Variants in DOK7 observed in about 807,000 individuals in gnomAD.
DOK7 encodes docking protein 7.
A neutral mutation model predicts 30.7 loss-of-function variants in DOK7; 32 were observed. That is an observed-to-expected ratio of 1.04 (90% CI 0.79 to 1.40). The LOEUF is 1.40. DOK7 is among the 40% of genes most tolerant of loss of function. DOK7 has a pLI of 0.00. For missense variants in DOK7, 1,007 were observed against 699.2 expected (o/e 1.44, Z -4.97); for synonymous variants, 447 against 324.1 (o/e 1.38, Z -4.07).
rs1727631447 is a variant in DOK7 at position 3,484,468 on chromosome 4, G to T, written c.533-1071G>T. 8 of 983,890 alleles carry T rather than the reference G, an allele frequency of 8.1e-6. No individual in the cohort carries two copies. In the South Asian group the frequency reaches 3.3e-4, roughly 40 times the overall value. The allele number at this position is 983,890 out of a possible 1,614,324, so 60.9% of individuals were successfully genotyped here. ...ACCTTTCTTTGGGCAATGGGCAGAGGCCCCGGAGCGGGCGGGATTCCTGTG... is the reference window on the plus strand; with the variant it reads ...ACCTTTCTTTGGGCAATGGGCAGAGTCCCCGGAGCGGGCGGGATTCCTGTG... On this transcript the variant is annotated intron_variant, in intron 4 of 6. Coordinates refer to ENST00000340083, the MANE Select transcript of DOK7 (RefSeq NM_173660.5).
intron 6 of DOK7, among the ~76,000 whole-genome samples, chr4:3,492,418 G>A (rs900039715): frequency 6.6e-6 from 1 of 151,950 alleles, no homozygotes; most frequent in Non-Finnish European, 1.5e-5. Context: ...GGGATGGCTG[G>A]GTATGGAGCG....
Position 3,490,475 on chromosome 4 carries a change from T to TC in DOK7, c.772+680dup, listed in dbSNP as rs1278010814. On this transcript the variant is annotated intron_variant, in intron 6 of 6. Transcript: ENST00000340083. ...TGCTCATTCATTCCTTTCTTCTCCC[T>TC]CTGCTCATTCATTCCTTCCTTTTCC... Among the ~76,000 whole-genome samples, 11 of 100,366 alleles carry TC rather than the reference T, an allele frequency of 1.1e-4. No individual in the cohort carries two copies. In the East Asian group the frequency reaches 2.6e-3, roughly 23 times the overall value. 65.8% of individuals were successfully genotyped at this position (100,366 alleles called of 152,430 possible).
chr4:3,490,808 CG>C (rs1290136037), intron 6 of DOK7, among the ~76,000 whole-genome samples: 1 of 61,250 alleles, frequency 1.6e-5, no homozygotes, highest in Non-Finnish European at 2.9e-5. Flanking sequence ...TCTGCCCCCC[CG>C]CTCATTCATT....
intron 4 of DOK7, chr4:3,484,849 G>A (rs543311244): frequency 2.2e-5 from 22 of 985,354 alleles, no homozygotes; most frequent in Non-Finnish European, 2.5e-5. Flanking sequence ...GGCAGGTGCC[G>A]TGCCACACCT....
rs1321389143 is a variant in DOK7, at chr4:3,492,925, T to G, written c.939T>G (p.Gly313=). 1.9e-6 allele frequency: 3 copies of G among 1,562,654 alleles called. No individual in the cohort carries two copies. Among genetic ancestry groups the G allele is most frequent in the Admixed American group, 1.9e-5 (1 of 52,788 alleles). The part of the protein sequence containing the change: ...AAQAAGEAMV[G]ASRPPPKPLR... ...AGGCCGCCGGGGAAGCCATGGTGGG[T>G]GCCTCAAGGCCACCCCCCAAGCCGC... The change falls in exon 7 of 7, where the codon GGT becomes GGG. Residue 313 remains glycine, a synonymous_variant. Transcript: ENST00000340083.
chr4:3,485,346 G>T (rs1727699082), intron 4 of DOK7, 193 bp from the exon 5 acceptor site: 3 of 669,754 alleles, frequency 4.5e-6, no homozygotes, highest in Non-Finnish European at 6.8e-6. Flanking sequence ...AGCCAGGTGG[G>T]GTGTCGGCTC....
rs556172512 is a variant in DOK7 at position 3,493,500 on chromosome 4, G to A, written c.1514G>A (p.Ter505=). Residue 505 remains the stop codon, a stop_retained_variant, in exon 7 of 7, where the codon TGA becomes TAA. Coordinates refer to ENST00000340083, the MANE Select transcript of DOK7 (RefSeq NM_173660.5). ...GGACTCAAGGTAAACCCCCCTCCTTGAGAGCCGCAGATCCCGCCCCGCGGC... is the reference window on the plus strand; with the variant it reads ...GGACTCAAGGTAAACCCCCCTCCTTAAGAGCCGCAGATCCCGCCCCGCGGC... ...CGGLKVNPPP[*] is the part of the protein sequence containing the mutation. 1.9e-6 allele frequency: 3 copies of A among 1,610,812 alleles called. No homozygotes were observed. The highest frequency in any genetic ancestry group is 1.3e-5 in the African/African-American group (1 of 75,028).
In DOK7 at chr4:3,491,496, C is replaced by T. The variant is rs1331764747; in HGVS notation, c.773-1263C>T. Among the ~76,000 whole-genome samples the T allele has an allele frequency of 6.8e-5, 8 of 118,020 alleles. No individual in the cohort carries two copies. In the East Asian group the frequency reaches 2.2e-3, roughly 33 times the overall value. 77.4% of individuals were successfully genotyped at this position (118,020 alleles called of 152,430 possible). On this transcript the variant is annotated intron_variant, in intron 6 of 6. Coordinates refer to ENST00000340083, the MANE Select transcript of DOK7 (RefSeq NM_173660.5). The stretch of plus-strand genomic sequence containing the variant: ...TCACTCATTCATTCTTTCCTTGTCC[C>T]TCCGCTTATTCCTTCCTTCTGTCTG...
At chr4:3,484,108 G>T (rs1158843347) in intron 4 of DOK7, among the ~76,000 whole-genome samples, 1 of 152,242 alleles carries the variant, frequency 6.6e-6, no homozygotes, top group Non-Finnish European at 1.5e-5. Flanking sequence ...CCTCGTGGCT[G>T]TGTGATGGTG....
At chr4:3,484,825 C>T in intron 4 of DOK7, 3 of 985,512 alleles carry the variant, frequency 3.0e-6, no homozygotes, top group Non-Finnish European at 3.6e-6. Flanking sequence ...GCAGTGACGG[C>T]TGCAGCATGT....
At chr4:3,472,020 G>A (rs993957553) in intron 2 of DOK7, among the ~76,000 whole-genome samples, 2 of 152,274 alleles carry the variant, frequency 1.3e-5, no homozygotes, top group Non-Finnish European at 2.9e-5. Flanking sequence ...CGCAGCAAGG[G>A]TGGCGGTGCT....
rs937404603 is a variant in DOK7 at position 3,494,296 on chromosome 4, G to T, written c.*795G>T. On this transcript the variant is annotated 3_prime_UTR_variant, in exon 7 of 7. Transcript: ENST00000340083. ...CCCTGGCCCAGGCCTCAGCCCCTGC[G>T]TCGGAGGTGGGGCTGTGTTGGGCCC... 1 of 985,484 alleles carries T rather than the reference G, an allele frequency of 1.0e-6. No individual in the cohort carries two copies. The highest frequency in any genetic ancestry group is 6.1e-5 in the Admixed American group (1 of 16,274). The allele number at this position is 985,484 out of a possible 1,614,324, so 61.0% of individuals were successfully genotyped here.
chr4:3,489,137 G>A (rs1728001577), intron 5 of DOK7, among the ~76,000 whole-genome samples: 1 of 152,124 alleles, frequency 6.6e-6, no homozygotes, highest in African/African-American at 2.4e-5. Context: ...GGGCTAGGTG[G>A]GGCCGAGGGT....
Position 3,485,567 on chromosome 4 carries a change from C to A in DOK7, c.561C>A (p.Ala187=). 1 of 1,606,028 alleles carries A rather than the reference C, an allele frequency of 6.2e-7. No homozygotes were observed. The highest frequency in any genetic ancestry group is 8.5e-7 in the Non-Finnish European group (1 of 1,175,914). Reference sequence around the variant, plus strand: ...CTGGCGTCTTCTTCCTGTCCTCGGCCGAGGGGGAGCAGATCAGCTTCCTGT... The same window carrying A: ...CTGGCGTCTTCTTCCTGTCCTCGGCAGAGGGGGAGCAGATCAGCTTCCTGT... ...YWAGVFFLSS[A]EGEQISFLFD... Residue 187 remains alanine (A), a synonymous_variant, in exon 5 of 7, where the codon GCC becomes GCA. Coordinates refer to ENST00000340083, the MANE Select transcript of DOK7 (RefSeq NM_173660.5).
intron 4 of DOK7, among the ~76,000 whole-genome samples, chr4:3,480,380 G>A (rs963966219): frequency 1.1e-4 from 16 of 152,174 alleles, no homozygotes; most frequent in Non-Finnish European, 1.5e-5. Flanking sequence ...GGCGGAGGTG[G>A]GAGGATCACC....
chr4:3,468,540 A>ATGTGACTGTGAG (rs1726485649), intron 2 of DOK7, among the ~76,000 whole-genome samples: 4 of 93,186 alleles, frequency 4.3e-5, no homozygotes, highest in African/African-American at 2.2e-4. Flanking sequence ...CTGTGAGTGT[A>ATGTGACTGTGAG]TGTGTGTGTG....
At chr4:3,463,453 G>T (rs745791856) in intron 1 of DOK7, 24 bp downstream of exon 1, 57 of 1,104,256 alleles carry the variant, frequency 5.2e-5, no homozygotes, top group Admixed American at 4.2e-4. Flanking sequence ...GGGGGCGCGG[G>T]GGGGGGGGGC....
intron 3 of DOK7, 55 bp downstream of exon 3, chr4:3,473,691 C>T (rs1560210330): frequency 1.4e-6 from 2 of 1,476,944 alleles, no homozygotes; most frequent in South Asian, 1.3e-5. Context: ...TGTGCCGGGG[C>T]CCCTCACCAA....
intron 6 of DOK7, among the ~76,000 whole-genome samples, chr4:3,492,306 C>T (rs887180444): frequency 3.3e-5 from 5 of 151,854 alleles, no homozygotes; most frequent in African/African-American, 1.2e-4. Context: ...CGTGTCCAGG[C>T]TGGCAGGGCC....
Sources: allele counts gnomAD v4.1 joint callset (sites outside exome capture counted in the v4.1 genomes callset), GRCh38; gene constraint gnomAD v4.1.1; transcripts MANE v1.5; gene names NCBI Gene and HGNC (gene_info 2026-07-23, HGNC 2026-07-21).